TBX15: variants seen among roughly 807,000 people sequenced by gnomAD.
The protein encoded by TBX15 is T-box transcription factor TBX15.
TBX15 carries 18 observed loss-of-function variants against 53.9 expected under a neutral mutation model. The ratio of observed to expected loss-of-function variants is 0.33; its 90% CI spans 0.23 to 0.49. TBX15 has a LOEUF of 0.49. Among genes scored for constraint, TBX15 ranks in the 20% least tolerant of loss-of-function variants. TBX15 has a pLI of 0.98. For synonymous variants in TBX15, 295 were observed against 278.0 expected, an observed-to-expected ratio of 1.06 and a Z score of -0.61; for missense variants, 692 against 749.5, an observed-to-expected ratio of 0.92 and a Z score of 0.90.
At chr1:118,945,926 T>A (rs1256712043) in intron 1 of TBX15, among the ~76,000 whole-genome samples, 1 of 152,216 alleles carries the variant, frequency 6.6e-6, no homozygotes. Context: ...ATTGATGGTG[T>A]ATGAGCTGTT....
chr1:118,907,025 C>T (rs1654858215), intron 6 of TBX15, among the ~76,000 whole-genome samples: 1 of 152,226 alleles, frequency 6.6e-6, no homozygotes, highest in Non-Finnish European at 1.5e-5. Context: ...ATTTGAGTTT[C>T]TGGCTCAGGC....
intron 1 of TBX15, among the ~76,000 whole-genome samples, chr1:118,936,784 A>G (rs1216878398): frequency 6.6e-6 from 1 of 152,176 alleles, no homozygotes; most frequent in East Asian, 1.9e-4. Flanking sequence ...TCCATTTTAT[A>G]CATTATTGAT....
Position 118,914,196 on chromosome 1 carries a change from A to C in TBX15, c.862-17T>G, listed in dbSNP as rs1474148950. The C allele has an allele frequency of 6.2e-7, 1 of 1,610,374 alleles. No individual in the cohort carries two copies. Reference sequence around the variant, plus strand: ...TCTGGTAATCTGGAAACAAACAAATAAGTATGAATTGCTTTTATATTAACT... The same window carrying C: ...TCTGGTAATCTGGAAACAAACAAATCAGTATGAATTGCTTTTATATTAACT... On this transcript the variant is annotated splice_polypyrimidine_tract_variant and intron_variant, in intron 5 of 7. Transcript: ENST00000369429.
chr1:118,947,734 G>A (rs1656390868), intron 1 of TBX15, among the ~76,000 whole-genome samples: 1 of 152,186 alleles, frequency 6.6e-6, no homozygotes, highest in Admixed American at 6.5e-5. Context: ...TACTTGCAGT[G>A]CCCATTAGAG....
intron 1 of TBX15, among the ~76,000 whole-genome samples, chr1:118,940,207 G>T (rs1318627981): frequency 6.6e-6 from 1 of 151,904 alleles, no homozygotes; most frequent in Non-Finnish European, 1.5e-5. Context: ...TCAAACGAAG[G>T]TCTGATGGGA....
intron 5 of TBX15, among the ~76,000 whole-genome samples, chr1:118,916,116 G>T (rs1342082046): frequency 6.6e-6 from 1 of 152,190 alleles, no homozygotes; most frequent in Non-Finnish European, 1.5e-5. Flanking sequence ...GTGACAGAAT[G>T]GTGTACAGCC....
At position 118,883,768 on chromosome 1, in the gene TBX15, C is replaced by T. The variant is rs1286362659; in HGVS notation, c.*964G>A. 1 of 152,132 alleles carries T rather than the reference C, an allele frequency of 6.6e-6. No homozygotes were observed. The highest frequency in any genetic ancestry group is 1.9e-4 in the East Asian group (1 of 5,182). 9.4% of individuals were successfully genotyped at this position (152,132 alleles called of 1,614,324 possible). On this transcript the variant is annotated 3_prime_UTR_variant, in exon 8 of 8. Transcript: ENST00000369429. ...TCTGTCCCTCTGACCAATGCCCTGA[C>T]CATGCTCAGTGTGCCAGAGAGGTTT...
intron 6 of TBX15, among the ~76,000 whole-genome samples, chr1:118,910,878 G>A (rs1655005871): frequency 6.6e-6 from 1 of 152,134 alleles, no homozygotes; most frequent in South Asian, 2.1e-4. Context: ...TTACTTACAT[G>A]GGGATAGAAA....
At chr1:118,949,569 C>A (rs1276675236) in intron 1 of TBX15, among the ~76,000 whole-genome samples, 1 of 152,214 alleles carries the variant, frequency 6.6e-6, no homozygotes, top group Non-Finnish European at 1.5e-5. Context: ...AAGGATGTCA[C>A]ACAAGCATTT....
chr1:118,925,258 G>A (rs541457723), intron 3 of TBX15, among the ~76,000 whole-genome samples: 1 of 152,174 alleles, frequency 6.6e-6, no homozygotes, highest in Admixed American at 6.5e-5. Context: ...TCAGGATTTT[G>A]TTCCTTATTA....
At chr1:118,889,556 C>A (rs1654067790) in intron 7 of TBX15, among the ~76,000 whole-genome samples, 1 of 152,170 alleles carries the variant, frequency 6.6e-6, no homozygotes, top group African/African-American at 2.4e-5. Context: ...CCCGAGTGCT[C>A]TGAGCATCTT....
chr1:118,934,623 G>A (rs990484641), intron 1 of TBX15, among the ~76,000 whole-genome samples: 2 of 152,192 alleles, frequency 1.3e-5, no homozygotes, highest in Non-Finnish European at 2.9e-5. Flanking sequence ...TTCAAGTACA[G>A]TACAGTGGAG....
In TBX15 at chr1:118,975,590, G is replaced by A. The variant is rs189782564; in HGVS notation, c.205+12001C>T. 2.6e-5 allele frequency among the ~76,000 whole-genome samples: 4 copies of A among 152,294 alleles called. 1 individual carries two copies. The highest frequency in any genetic ancestry group is 2.6e-4 in the Admixed American group (4 of 15,298). Reference sequence around the variant, plus strand: ...CTGGCTGGGTCACTTAAAGTATACTGGAACTGTGCAACTGTGGGTGAGCTA... The same window carrying A: ...CTGGCTGGGTCACTTAAAGTATACTAGAACTGTGCAACTGTGGGTGAGCTA... On this transcript the variant is annotated intron_variant, in intron 1 of 7. Transcript: ENST00000369429.
At chr1:118,941,408 T>G (rs1424810432) in intron 1 of TBX15, among the ~76,000 whole-genome samples, 1 of 152,192 alleles carries the variant, frequency 6.6e-6, no homozygotes, top group African/African-American at 2.4e-5. Context: ...AGGTGGCAGT[T>G]TCAAAGATGT....
intron 7 of TBX15, among the ~76,000 whole-genome samples, chr1:118,886,509 C>G (rs993500209): frequency 3.3e-5 from 5 of 152,164 alleles, no homozygotes; most frequent in Non-Finnish European, 5.9e-5. Context: ...AAAAGAAATG[C>G]TGACGTTCCA....
At chr1:118,927,739 C>T (rs141040447) in intron 2 of TBX15, among the ~76,000 whole-genome samples, 1 of 152,194 alleles carries the variant, frequency 6.6e-6, no homozygotes, top group Non-Finnish European at 1.5e-5. Flanking sequence ...ACAGAGCAGC[C>T]CAAAAGAGGT....
chr1:118,884,781 T>C lies in TBX15; in HGVS notation c.1760A>G (p.Tyr587Cys). The change falls in exon 8 of 8, where the codon TAT (tyrosine) becomes TGT (cysteine). Residue 587 changes from tyrosine to cysteine, a missense_variant. Tyr to Cys is a radical substitution (Grantham distance 194). This residue lies in a region of TBX15 where 375 missense variants were observed against 371.6 expected (regional missense o/e 1.01). Transcript: ENST00000369429. ...QATNTCDGRQYGAVPGSSSQM... is the reference protein window; with the variant it reads ...QATNTCDGRQCGAVPGSSSQM... ...GGAGGAGGAGCCTGGAACTGCCCCA[T>C]ACTGCCGGCCATCACAAGTGTTGGT... 6.2e-7 allele frequency: 1 copy of C among 1,614,108 alleles called. No individual in the cohort carries two copies. Among genetic ancestry groups the C allele is most frequent in the Non-Finnish European group, 8.5e-7 (1 of 1,180,010 alleles).
At chr1:118,900,943 C>G (rs189075862) in intron 6 of TBX15, among the ~76,000 whole-genome samples, 2 of 152,238 alleles carry the variant, frequency 1.3e-5, no homozygotes, top group East Asian at 3.9e-4. Context: ...CCTCCTAGTT[C>G]ATTCTTCCCA....
At chr1:118,897,157 C>G (rs1571154012) in intron 7 of TBX15, among the ~76,000 whole-genome samples, 2 of 152,246 alleles carry the variant, frequency 1.3e-5, no homozygotes, top group Middle Eastern at 3.4e-3. Flanking sequence ...TCTAAGTAAC[C>G]CATGCAAGCT....
Sources: allele counts gnomAD v4.1 joint callset (sites outside exome capture counted in the v4.1 genomes callset), GRCh38; gene constraint gnomAD v4.1.1; regional missense constraint gnomAD v4.1.1; transcripts MANE v1.5; gene names NCBI Gene and HGNC (gene_info 2026-07-23, HGNC 2026-07-21).